The following CERK variants were observed in gnomAD, a reference collection of about 807,000 sequenced individuals.
The protein encoded by CERK is acylsphingosine kinase.
CERK carries 39 observed loss-of-function variants against 63.4 expected under a neutral mutation model. The ratio of observed to expected loss-of-function variants is 0.61; its 90% CI spans 0.48 to 0.80. The LOEUF is 0.80. Ranked by LOEUF, CERK falls within the 30% of genes least tolerant of loss-of-function variation. The probability of loss-of-function intolerance (pLI) is 0.00; values close to 1 mark genes in which losing one functional copy is unlikely to be tolerated. For synonymous variants in CERK, 302 were observed against 280.0 expected (o/e 1.08, Z -0.78); for missense variants, 670 against 714.1 (o/e 0.94, Z 0.70).
At chr22:46,721,152 C>A (rs1315323358) in intron 1 of CERK, 137 bp from the exon 2 acceptor site, 2 of 625,422 alleles carry the variant, frequency 3.2e-6, no homozygotes, top group Non-Finnish European at 5.8e-6. Flanking sequence ...GTGGTGTGCA[C>A]CTGTAATCCC....
chr22:46,721,290 C>CATAT (rs369906534), intron 1 of CERK, among the ~76,000 whole-genome samples: 4,449 of 150,938 alleles, frequency 0.029, 219 homozygotes, highest in African/African-American at 0.1. Context: ...AAAAGATATA[C>CATAT]ATATATATAT....
rs901950048 is a variant in CERK, at chr22:46,725,315, C to A, written c.143-4300G>T. ...CGGGGGCTCAGGAAACACTTGCCAGCGTCCACCGGTTGGAGAGCTGGCGCC... is the reference window on the plus strand; with the variant it reads ...CGGGGGCTCAGGAAACACTTGCCAGAGTCCACCGGTTGGAGAGCTGGCGCC... On this transcript the variant is annotated intron_variant, in intron 1 of 12. Coordinates refer to ENST00000216264, the MANE Select transcript of CERK (RefSeq NM_022766.6). 9.9e-5 allele frequency among the ~76,000 whole-genome samples: 15 copies of A among 152,014 alleles called. No individual in the cohort carries two copies. The South Asian group carries it at 1.5e-3, about 15-fold the overall frequency.
chr22:46,711,859 G>A (rs1368659914), intron 4 of CERK, among the ~76,000 whole-genome samples: 1 of 152,162 alleles, frequency 6.6e-6, no homozygotes, highest in Non-Finnish European at 1.5e-5. Context: ...GGCTAAGGTG[G>A]GCAACATTGC....
At chr22:46,693,262 T>C (rs112344191) in intron 10 of CERK, among the ~76,000 whole-genome samples, 165 bp downstream of exon 10, 44 of 152,250 alleles carry the variant, frequency 2.9e-4, no homozygotes, top group African/African-American at 9.4e-4. Flanking sequence ...CAAGTAACAG[T>C]GACCTGACGC....
Position 46,720,990 on chromosome 22 carries a change from C to T in CERK, c.168G>A (p.Glu56=). 1 of 1,613,516 alleles carries T rather than the reference C, an allele frequency of 6.2e-7. No individual in the cohort carries two copies. Among genetic ancestry groups the T allele is most frequent in the Non-Finnish European group, 8.5e-7 (1 of 1,179,550 alleles). ...GADACSVPVS[E]IIAVEETDVH... is the part of the protein sequence containing the mutation. ...CGTCTGTTTCCTCAACGGCGATGATCTCAGATACAGGCACAGAGCAGGCAT... is the reference window on the plus strand; with the variant it reads ...CGTCTGTTTCCTCAACGGCGATGATTTCAGATACAGGCACAGAGCAGGCAT... The change falls in exon 2 of 13, where the codon GAG becomes GAA. Residue 56 remains glutamate, a synonymous_variant. Coordinates refer to ENST00000216264, the MANE Select transcript of CERK (RefSeq NM_022766.6).
In CERK at chr22:46,720,282, C is replaced by T. The variant is rs966549849; in HGVS notation, c.257-74G>A. ...GACAAAACCTCAAGTGAATATGCAC[C>T]AAATGCAGCTAATTATAGGTTCCTA... On this transcript the variant is annotated intron_variant, in intron 2 of 12. Coordinates refer to ENST00000216264, the MANE Select transcript of CERK (RefSeq NM_022766.6). The T allele has an allele frequency of 3.2e-5, 49 of 1,534,596 alleles. No homozygotes were observed. The Admixed American group carries it at 9.2e-4, about 29-fold the overall frequency.
chr22:46,695,516 G>A (rs2082751964), intron 8 of CERK, among the ~76,000 whole-genome samples: 1 of 152,256 alleles, frequency 6.6e-6, no homozygotes, highest in Admixed American at 6.5e-5. Context: ...ACAACAGCAC[G>A]TCTAGTCATA....
At chr22:46,721,570 G>T (rs914742277) in intron 1 of CERK, among the ~76,000 whole-genome samples, 1 of 152,144 alleles carries the variant, frequency 6.6e-6, no homozygotes, top group East Asian at 1.9e-4. Flanking sequence ...TTTTTCACAC[G>T]ATTTGCTCAC....
At chr22:46,708,692 A>G (rs931678306) in intron 5 of CERK, among the ~76,000 whole-genome samples, 2 of 152,242 alleles carry the variant, frequency 1.3e-5, no homozygotes, top group African/African-American at 4.8e-5. Flanking sequence ...ACAGGGAACC[A>G]ACACTGAGGT....
chr22:46,708,016 C>T (rs755327470), intron 5 of CERK, 28 bp from the exon 6 acceptor site: 44 of 1,579,678 alleles, frequency 2.8e-5, no homozygotes, highest in Non-Finnish European at 3.7e-5. Flanking sequence ...CCGGTCAGGG[C>T]TCCTGCAGGT....
intron 1 of CERK, among the ~76,000 whole-genome samples, chr22:46,729,079 T>G (rs912815115): frequency 6.6e-6 from 1 of 152,122 alleles, no homozygotes; most frequent in Non-Finnish European, 1.5e-5. Flanking sequence ...AAAAGAAAAA[T>G]TGGCTGGGTC....
intron 6 of CERK, among the ~76,000 whole-genome samples, chr22:46,706,512 T>C (rs1339875795): frequency 6.6e-6 from 1 of 152,162 alleles, no homozygotes; most frequent in African/African-American, 2.4e-5. Context: ...GAACCATTTC[T>C]CCCCTTAGTG....
intron 1 of CERK, among the ~76,000 whole-genome samples, chr22:46,726,086 G>A (rs1186429356): frequency 6.6e-6 from 1 of 152,268 alleles, no homozygotes; most frequent in Non-Finnish European, 1.5e-5. Context: ...CGTGTGTCAC[G>A]GGGCACTGAG....
chr22:46,702,609 C>A (rs2082792779), intron 6 of CERK, among the ~76,000 whole-genome samples: 1 of 152,222 alleles, frequency 6.6e-6, no homozygotes, highest in Non-Finnish European at 1.5e-5. Context: ...TCTGAAACAG[C>A]TGGATGCGGC....
chr22:46,689,520 A>C (rs1423872305), intron 12 of CERK, among the ~76,000 whole-genome samples: 1 of 152,086 alleles, frequency 6.6e-6, no homozygotes, highest in Non-Finnish European at 1.5e-5. Context: ...ACAGGCATGC[A>C]CCATCACACC....
At chr22:46,699,816 C>CAGTG (rs902151831) in intron 7 of CERK, among the ~76,000 whole-genome samples, 17 of 152,240 alleles carry the variant, frequency 1.1e-4, no homozygotes, top group African/African-American at 4.1e-4. Flanking sequence ...AAGCCGAGTG[C>CAGTG]AGTGGTTCAC....
intron 12 of CERK, 68 bp downstream of exon 12, chr22:46,689,910 CCACCCTGGGTGGGG>C: frequency 5.7e-6 from 6 of 1,052,924 alleles, no homozygotes; most frequent in Non-Finnish European, 8.0e-6. Flanking sequence ...AGGGAACCCC[CCACCCTGGGTGGGG>C]CAGCTTGTGA....
intron 1 of CERK, among the ~76,000 whole-genome samples, chr22:46,723,409 A>G (rs1277670776): frequency 1.3e-5 from 2 of 152,148 alleles, no homozygotes; most frequent in Non-Finnish European, 2.9e-5. Context: ...ACTTCGGGTC[A>G]GGAGTTCGAG....
At chr22:46,729,524 C>G (rs948325606) in intron 1 of CERK, among the ~76,000 whole-genome samples, 1 of 151,960 alleles carries the variant, frequency 6.6e-6, no homozygotes, top group East Asian at 1.9e-4. Flanking sequence ...TCCTCCTGCC[C>G]CAGCCTCCTG....
Sources: gnomAD v4.1 joint callset for allele counts (sites outside exome capture counted in the v4.1 genomes callset) on GRCh38, gnomAD v4.1.1 for gene constraint, MANE v1.5 for transcripts, NCBI Gene and HGNC (gene_info 2026-07-23, HGNC 2026-07-21) for gene names.